CAPN14: variants seen among roughly 807,000 people sequenced by gnomAD.
The protein encoded by CAPN14 is calpain-14.
In CAPN14, 94 loss-of-function variants were observed where a neutral mutation model predicts 101.3. The observed-to-expected ratio is 0.93, with a 90% CI of 0.79 to 1.10. CAPN14 has a LOEUF of 1.10. Among genes scored for constraint, CAPN14 ranks in the 50% least tolerant of loss-of-function variants. CAPN14 has a pLI of 0.00. For missense variants in CAPN14, 837 were observed against 828.4 expected (o/e 1.01, Z -0.13); for synonymous variants, 338 against 317.9 (o/e 1.06, Z -0.67).
rs762292339 is a variant in CAPN14, at chr2:31,186,498, C to T, written c.1588-13G>A. The stretch of plus-strand genomic sequence containing the variant: ...TAATCTCTGGATGCTAAATAGAAAG[C>T]AGATTGGCAAGAAAAAATAACTGTT... On this transcript the variant is annotated splice_polypyrimidine_tract_variant and intron_variant, in intron 15 of 21. Transcript: ENST00000403897. The T allele has an allele frequency of 3.9e-6, 6 of 1,543,716 alleles. No homozygotes were observed. In the South Asian group the frequency reaches 6.0e-5, roughly 16 times the overall value.
chr2:31,200,056 T>G (rs1008535261), intron 6 of CAPN14, among the ~76,000 whole-genome samples: 1 of 152,106 alleles, frequency 6.6e-6, no homozygotes, highest in Non-Finnish European at 1.5e-5. Context: ...CAGGCTGGAG[T>G]GCAAGGGTGA....
chr2:31,222,164 C>T (rs1004506228), upstream of CAPN14, among the ~76,000 whole-genome samples: 15 of 152,170 alleles, frequency 9.9e-5, no homozygotes, highest in Admixed American at 7.2e-4. Flanking sequence ...GAATTTTCCT[C>T]CTACAGTTCC....
At chr2:31,221,115 T>C (rs1488616497), upstream of CAPN14, among the ~76,000 whole-genome samples, 3 of 152,244 alleles carry the variant, frequency 2.0e-5, no homozygotes, top group Non-Finnish European at 4.4e-5. Context: ...ACAATATTTT[T>C]AGAATGTCAC....
chr2:31,175,480 C>A (rs1348346220), intron 21 of CAPN14, among the ~76,000 whole-genome samples: 1 of 152,252 alleles, frequency 6.6e-6, no homozygotes, highest in Non-Finnish European at 1.5e-5. Flanking sequence ...CTGGACCCTG[C>A]TCAGTTTTGG....
intron 2 of CAPN14, among the ~76,000 whole-genome samples, 191 bp from the exon 3 acceptor site, chr2:31,203,330 T>C (rs557020066): frequency 3.9e-5 from 6 of 152,294 alleles, no homozygotes; most frequent in African/African-American, 1.4e-4. Context: ...TTCCTTCTTA[T>C]AGCTCGTGTA....
chr2:31,232,615 A>G (rs1233578044), intron 1 of CAPN14, among the ~76,000 whole-genome samples: 1 of 152,176 alleles, frequency 6.6e-6, no homozygotes, highest in Non-Finnish European at 1.5e-5. Context: ...AGTATGAGGA[A>G]CCAAGTGGGA....
intron 7 of CAPN14, among the ~76,000 whole-genome samples, chr2:31,198,236 T>C (rs1558624065): frequency 1.3e-5 from 2 of 152,212 alleles, no homozygotes; most frequent in African/African-American, 2.4e-5. Flanking sequence ...CTTATCTACC[T>C]GTGACCTGGA....
At chr2:31,184,212 C>G (rs1680798800) in intron 16 of CAPN14, among the ~76,000 whole-genome samples, 1 of 152,202 alleles carries the variant, frequency 6.6e-6, no homozygotes, top group Admixed American at 6.5e-5. Context: ...GATGCTTTGT[C>G]AGTTACAGGT....
intron 2 of CAPN14, among the ~76,000 whole-genome samples, chr2:31,204,507 C>T (rs939285784): frequency 6.6e-6 from 1 of 152,114 alleles, no homozygotes; most frequent in African/African-American, 2.4e-5. Flanking sequence ...AGCCCCACCC[C>T]CTGATCACTG....
chr2:31,203,295 A>G (rs774306698), intron 2 of CAPN14, among the ~76,000 whole-genome samples, 156 bp from the exon 3 acceptor site: 1 of 152,222 alleles, frequency 6.6e-6, no homozygotes, highest in South Asian at 2.1e-4. Flanking sequence ...TCTGGGATAC[A>G]GAATTCTGTC....
intron 12 of CAPN14, among the ~76,000 whole-genome samples, chr2:31,189,965 G>A (rs529939469): frequency 9.9e-5 from 15 of 151,906 alleles, no homozygotes; most frequent in South Asian, 2.1e-4. Context: ...GATGGACCAC[G>A]ACCACCTCCC....
At chr2:31,196,720 C>A (rs932456792) in intron 8 of CAPN14, among the ~76,000 whole-genome samples, 3 of 152,208 alleles carry the variant, frequency 2.0e-5, no homozygotes, top group African/African-American at 7.2e-5. Context: ...TAGGCAGAAA[C>A]AACCTAAATG....
Position 31,193,226 on chromosome 2 carries a change from A to G in CAPN14, c.1019T>C (p.Leu340Ser). Residue 340 changes from leucine (L) to serine (S), a missense_variant, in exon 10 of 22, where the codon TTG becomes TCG. By Grantham distance (145) the Leu-to-Ser change is moderately radical. Coordinates refer to ENST00000403897, the MANE Select transcript of CAPN14 (RefSeq NM_001145122.2). ...LVICKLTPGL[L>S]SQEAAQKWTY... The stretch of plus-strand genomic sequence containing the variant: ...CCACTTCTGGGCCGCCTCCTGGCTC[A>G]ACAGGCCTGGGGTCAGTTTACAGAT... 1 of 1,551,742 alleles carries G rather than the reference A, an allele frequency of 6.4e-7. No homozygotes were observed. The highest frequency in any genetic ancestry group is 8.7e-7 in the Non-Finnish European group (1 of 1,147,012).
chr2:31,225,417 T>C (rs1306459268), intron 2 of CAPN14, among the ~76,000 whole-genome samples: 2 of 152,078 alleles, frequency 1.3e-5, no homozygotes, highest in East Asian at 3.8e-4. Flanking sequence ...AGTATATAAA[T>C]TGATGTGCCT....
In CAPN14 at chr2:31,173,749, T is replaced by C. The variant is rs920007859; in HGVS notation, c.*932A>G. On this transcript the variant is annotated 3_prime_UTR_variant, in exon 22 of 22. Transcript: ENST00000403897. ...GGTGCTAACTTATGAATAAATTGCA[T>C]AGACTTTGGAAAAAGGCCATTGTTC... 5 of 152,216 alleles carry C rather than the reference T, an allele frequency of 3.3e-5. No individual in the cohort carries two copies. Among genetic ancestry groups the C allele is most frequent in the Admixed American group, 6.5e-5 (1 of 15,278 alleles). 9.4% of individuals were successfully genotyped at this position (152,216 alleles called of 1,614,324 possible).
At position 31,193,276 on chromosome 2, in the gene CAPN14, A is replaced by G; in HGVS notation, c.969T>C (p.Phe323=). The stretch of plus-strand genomic sequence containing the variant: ...TAACCAGGAGCACGAAATGTGTTTT[A>G]AAGTCCTGCAGCGTCATCCTGTGGA... The part of the protein sequence containing the change: ...DGEFWMTLQD[F]KTHFVLLVIC... The change falls in exon 10 of 22, where the codon TTT becomes TTC. Residue 323 remains phenylalanine, a synonymous_variant. Transcript: ENST00000403897. The G allele has an allele frequency of 6.4e-7, 1 of 1,551,776 alleles. No individual in the cohort carries two copies. The highest frequency in any genetic ancestry group is 8.7e-7 in the Non-Finnish European group (1 of 1,147,026).
At chr2:31,188,233 CT>C in intron 14 of CAPN14, 84 bp downstream of exon 14, 3 of 1,205,534 alleles carry the variant, frequency 2.5e-6, no homozygotes, top group South Asian at 1.3e-5. Flanking sequence ...ATCTCCTCCC[CT>C]GACTCCTTAA....
chr2:31,188,275 G>T, intron 14 of CAPN14, 43 bp downstream of exon 14: 1 of 1,533,502 alleles, frequency 6.5e-7, no homozygotes, highest in Non-Finnish European at 8.8e-7. Flanking sequence ...ACCCTGGCTT[G>T]GAAAGCAGTC....
chr2:31,206,956 G>T (rs1682129429), intron 1 of CAPN14, among the ~76,000 whole-genome samples: 1 of 152,086 alleles, frequency 6.6e-6, no homozygotes. Flanking sequence ...CAGTTTAGAG[G>T]GTGGGAGAGC....
Sources: allele counts gnomAD v4.1 joint callset (sites outside exome capture counted in the v4.1 genomes callset), GRCh38; gene constraint gnomAD v4.1.1; transcripts MANE v1.5; gene names NCBI Gene and HGNC (gene_info 2026-07-23, HGNC 2026-07-21).